Variants in SNX30 observed in about 807,000 individuals in gnomAD.
The protein encoded by SNX30 is sorting nexin-30.
SNX30 carries 24 observed loss-of-function variants against 46.4 expected under a neutral mutation model. That is an observed-to-expected ratio of 0.52 (90% CI 0.37 to 0.73). The LOEUF is 0.73. SNX30 is among the 30% of genes least tolerant of loss of function. The pLI is 0.00. For missense variants in SNX30, 533 were observed against 555.7 expected, an observed-to-expected ratio of 0.96 and a Z score of 0.41; for synonymous variants, 189 against 211.5, an observed-to-expected ratio of 0.89 and a Z score of 0.92.
intron 2 of SNX30, among the ~76,000 whole-genome samples, chr9:112,807,150 C>T (rs1402730793): frequency 2.0e-5 from 3 of 147,812 alleles, no homozygotes; most frequent in Non-Finnish European, 3.0e-5. Context: ...CTGCAACCTC[C>T]GCCCTCTGGG....
At chr9:112,751,305 C>T (rs924013043) in intron 1 of SNX30, 148 bp downstream of exon 1, 15 of 1,061,862 alleles carry the variant, frequency 1.4e-5, no homozygotes, top group African/African-American at 1.7e-5. Flanking sequence ...GAGCCCTCGG[C>T]GAAGCGTCTC....
At chr9:112,826,454 AT>A (rs1284070634) in intron 3 of SNX30, among the ~76,000 whole-genome samples, 6 of 152,162 alleles carry the variant, frequency 3.9e-5, no homozygotes, top group Non-Finnish European at 2.9e-5. Context: ...TTGGATTCGT[AT>A]TTTTTAGGAA....
Position 112,868,836 on chromosome 9 carries a change from C to T in SNX30, c.1307C>T (p.Ala436Val). Residue 436 changes from alanine to valine, a missense_variant, in exon 9 of 9, where the codon GCC becomes GTC. Physicochemically the swap from Ala to Val is moderately conservative, Grantham distance 64. Around this residue, in one of 3 missense-constraint regions of SNX30, gnomAD observed 261 missense variants for 270.9 expected, o/e 0.96. Coordinates refer to ENST00000374232, the MANE Select transcript of SNX30 (RefSeq NM_001012994.2). ...IIPLLQEKQE[A>V]K is the part of the protein sequence containing the mutation. ...CCACTACTGCAGGAGAAACAAGAGG[C>T]CAAGTAAAGTTCTTTCTTGGGACGG... The T allele has an allele frequency of 2.5e-6, 4 of 1,614,124 alleles. No homozygotes were observed. Among genetic ancestry groups the T allele is most frequent in the Non-Finnish European group, 3.4e-6 (4 of 1,179,990 alleles).
chr9:112,756,373 A>G (rs192004727), intron 1 of SNX30, among the ~76,000 whole-genome samples: 17 of 147,818 alleles, frequency 1.2e-4, no homozygotes, highest in Admixed American at 8.8e-4. Flanking sequence ...AATCATTCAC[A>G]TGGCTGATCT....
chr9:112,879,723 G>A (rs764076618), downstream of SNX30: 28 of 1,586,002 alleles, frequency 1.8e-5, no homozygotes, highest in Non-Finnish European at 2.1e-5. Context: ...TGGGGGCCTG[G>A]CCATGGCTGA....
intron 1 of SNX30, among the ~76,000 whole-genome samples, chr9:112,768,647 C>CTT (rs58983756): frequency 6.2e-5 from 4 of 64,364 alleles, no homozygotes; most frequent in Non-Finnish European, 9.9e-5. Context: ...ATTCTTTCTT[C>CTT]TTTTTTTTTT....
chr9:112,761,955 G>GGGTA (rs1390211437), intron 1 of SNX30, among the ~76,000 whole-genome samples: 1 of 152,148 alleles, frequency 6.6e-6, no homozygotes, highest in Non-Finnish European at 1.5e-5. Flanking sequence ...ATAAAGTAGG[G>GGGTA]GGTAGGATGT....
intron 1 of SNX30, among the ~76,000 whole-genome samples, chr9:112,787,156 CTG>C (rs939032457): frequency 1.3e-5 from 2 of 152,210 alleles, no homozygotes; most frequent in African/African-American, 2.4e-5. Flanking sequence ...TGTGTGGAAA[CTG>C]TGTCTCAGGC....
At chr9:112,809,503 G>A (rs944567675) in intron 2 of SNX30, among the ~76,000 whole-genome samples, 11 of 151,990 alleles carry the variant, frequency 7.2e-5, no homozygotes, top group Non-Finnish European at 1.5e-4. Flanking sequence ...ACAGAGGCGA[G>A]CCTTCAATTC....
intron 2 of SNX30, among the ~76,000 whole-genome samples, chr9:112,812,093 C>G (rs976632534): frequency 1.3e-5 from 2 of 152,146 alleles, no homozygotes; most frequent in African/African-American, 4.8e-5. Flanking sequence ...TCATTCCTGG[C>G]TCTACTTTTT....
chr9:112,864,456 C>T (rs1460995457), intron 8 of SNX30, 57 bp downstream of exon 8: 5 of 1,599,614 alleles, frequency 3.1e-6, no homozygotes, highest in Non-Finnish European at 4.3e-6. Flanking sequence ...TCACATGGGC[C>T]TACCAGAAAT....
chr9:112,821,520 C>G (rs1263541296), intron 3 of SNX30, among the ~76,000 whole-genome samples: 12 of 151,436 alleles, frequency 7.9e-5, no homozygotes, highest in Admixed American at 6.6e-4. Context: ...GGAGTCTCGC[C>G]CTGTCACCCA....
intron 7 of SNX30, among the ~76,000 whole-genome samples, chr9:112,854,723 C>T (rs1841092852): frequency 1.3e-5 from 2 of 152,186 alleles, no homozygotes; most frequent in African/African-American, 2.4e-5. Context: ...GAGGAGGGTG[C>T]AGTTGGCAGC....
chr9:112,846,414 A>G (rs532396613), intron 6 of SNX30, among the ~76,000 whole-genome samples: 1 of 152,322 alleles, frequency 6.6e-6, no homozygotes, highest in Non-Finnish European at 1.5e-5. Flanking sequence ...TCTAACTCGC[A>G]GGTGGTCCTG....
At chr9:112,831,680 T>C (rs1249124365) in intron 4 of SNX30, among the ~76,000 whole-genome samples, 2 of 152,234 alleles carry the variant, frequency 1.3e-5, no homozygotes, top group Non-Finnish European at 2.9e-5. Flanking sequence ...CCTGCAACCA[T>C]GTTCCTGTCA....
intron 1 of SNX30, among the ~76,000 whole-genome samples, chr9:112,763,360 CTTTTTTTTTT>C (rs751720343): frequency 3.6e-4 from 17 of 47,592 alleles, no homozygotes; most frequent in Admixed American, 2.4e-3. Context: ...GCTATTTAAA[CTTTTTTTTTT>C]TTTTTTTTTT....
chr9:112,780,036 T>C (rs969267333), intron 1 of SNX30, among the ~76,000 whole-genome samples: 4 of 152,178 alleles, frequency 2.6e-5, no homozygotes, highest in African/African-American at 7.2e-5. Context: ...TAGACTAGGG[T>C]GTACTCAGAT....
chr9:112,751,292 C>T (rs1839272265), intron 1 of SNX30, 135 bp downstream of exon 1: 2 of 1,139,804 alleles, frequency 1.8e-6, no homozygotes, highest in South Asian at 2.6e-5. Context: ...TGTCCTGGCC[C>T]CGGAGCCCTC....
chr9:112,854,936 C>G (rs1841096600), intron 7 of SNX30, among the ~76,000 whole-genome samples: 1 of 152,216 alleles, frequency 6.6e-6, no homozygotes, highest in African/African-American at 2.4e-5. Flanking sequence ...GAGGAGTCTC[C>G]CGTGTCCACA....
Sources: allele counts gnomAD v4.1 joint callset (sites outside exome capture counted in the v4.1 genomes callset), GRCh38; gene constraint gnomAD v4.1.1; regional missense constraint gnomAD v4.1.1; transcripts MANE v1.5; gene names NCBI Gene and HGNC (gene_info 2026-07-23, HGNC 2026-07-21).